The following RALGPS1 variants were observed in gnomAD, a reference collection of about 807,000 sequenced individuals.
RALGPS1 encodes Ral GEF with PH domain and SH3 binding motif 1, also known as ras-specific guanine nucleotide-releasing factor RalGPS1.
In RALGPS1, 19 loss-of-function variants were observed where a neutral mutation model predicts 78.8. That is an observed-to-expected ratio of 0.24 (90% CI 0.17 to 0.35). RALGPS1 has a LOEUF of 0.35. Among genes scored for constraint, RALGPS1 ranks in the 10% least tolerant of loss-of-function variants. RALGPS1 has a pLI of 1.00. For missense variants in RALGPS1, 454 were observed against 688.3 expected (o/e 0.66, Z 3.81); for synonymous variants, 228 against 256.3 (o/e 0.89, Z 1.06).
rs535245052 is a variant in RALGPS1 at position 127,211,935 on chromosome 9, G to T, written c.1248-196G>T. On this transcript the variant is annotated intron_variant, in intron 14 of 18. Transcript: ENST00000259351. This position sits in a 1 kb window ranked among gnomAD's most constrained non-coding sequence, Gnocchi z 5.0. The stretch of plus-strand genomic sequence containing the variant: ...GAGCTTTGCAGCCCCAGAGACAGGT[G>T]TGGGAGTCCTTGGCGGTGGGCCCTT... Among the ~76,000 whole-genome samples, 1 of 152,330 alleles carries T rather than the reference G, an allele frequency of 6.6e-6. No homozygotes were observed. Among genetic ancestry groups the T allele is most frequent in the South Asian group, 2.1e-4 (1 of 4,830 alleles).
At chr9:127,092,809 A>T (rs1467587781) in intron 8 of RALGPS1, among the ~76,000 whole-genome samples, 1 of 152,058 alleles carries the variant, frequency 6.6e-6, no homozygotes, top group Non-Finnish European at 1.5e-5. Flanking sequence ...AGGAGAAAAA[A>T]GCAGAGACAC....
At chr9:127,125,354 T>A (rs1323802509) in intron 8 of RALGPS1, among the ~76,000 whole-genome samples, 4 of 152,190 alleles carry the variant, frequency 2.6e-5, no homozygotes, top group Non-Finnish European at 5.9e-5. Context: ...AACGAACTGC[T>A]GGCTGGAGGA....
intron 4 of RALGPS1, chr9:126,978,020 A>G: frequency 3.3e-6 from 1 of 301,542 alleles, no homozygotes; most frequent in Non-Finnish European, 6.1e-6. Context: ...TAACACCCTC[A>G]TTCCTTTTCC....
rs1405728186 is a variant in RALGPS1 at position 127,054,696 on chromosome 9, G to C, written c.483+1757G>C. 5.3e-5 allele frequency among the ~76,000 whole-genome samples: 8 copies of C among 152,240 alleles called. No individual in the cohort carries two copies. The East Asian group carries it at 1.5e-3, about 29-fold the overall frequency. ...TTGCTGTAATGAAAATAAACCTCCAGGCCAGGTGCAGTGACTCACTCCTGT... is the reference window on the plus strand; with the variant it reads ...TTGCTGTAATGAAAATAAACCTCCACGCCAGGTGCAGTGACTCACTCCTGT... On this transcript the variant is annotated intron_variant, in intron 7 of 18. Transcript: ENST00000259351.
intron 14 of RALGPS1, chr9:127,210,631 G>C: frequency 7.8e-7 from 1 of 1,275,740 alleles, no homozygotes; most frequent in Non-Finnish European, 1.1e-6. Context: ...GGGTGCTCTT[G>C]CCTCCTTCAG....
intron 14 of RALGPS1, among the ~76,000 whole-genome samples, chr9:127,204,537 T>G (rs1270193595): frequency 1.3e-5 from 2 of 151,932 alleles, no homozygotes; most frequent in Non-Finnish European, 2.9e-5. Flanking sequence ...AGTTCAGTCA[T>G]CATGGGAGGG....
At chr9:127,174,328 GAA>G (rs1290713049) in intron 10 of RALGPS1, among the ~76,000 whole-genome samples, 3 of 151,956 alleles carry the variant, frequency 2.0e-5, no homozygotes, top group Non-Finnish European at 4.4e-5. Context: ...AAAAAGAAAA[GAA>G]AGAAAAAACT....
intron 11 of RALGPS1, among the ~76,000 whole-genome samples, chr9:127,175,677 CTTT>C (rs11354346): frequency 1.5e-4 from 16 of 109,000 alleles, no homozygotes; most frequent in African/African-American, 2.9e-4. Flanking sequence ...TTTGGGCCTC[CTTT>C]TTTTTTTTTT....
chr9:126,917,759 G>A (rs1321700479), intron 1 of RALGPS1, among the ~76,000 whole-genome samples: 3 of 152,200 alleles, frequency 2.0e-5, no homozygotes, highest in Admixed American at 6.5e-5. Flanking sequence ...TAACATGCAA[G>A]GAGAGCAGGA....
chr9:126,988,941 G>C (rs1342414709), intron 4 of RALGPS1, among the ~76,000 whole-genome samples: 1 of 152,112 alleles, frequency 6.6e-6, no homozygotes, highest in Admixed American at 6.5e-5. Context: ...TAGGGAGGGA[G>C]GCCAGAAGGG....
At chr9:127,110,904 C>T (rs1390319459) in intron 8 of RALGPS1, among the ~76,000 whole-genome samples, 1 of 152,196 alleles carries the variant, frequency 6.6e-6, no homozygotes, top group African/African-American at 2.4e-5. Context: ...CCTCCCTGCC[C>T]CAGCCTTGCC....
At chr9:127,018,293 T>C (rs1173530735) in intron 4 of RALGPS1, among the ~76,000 whole-genome samples, 2 of 135,998 alleles carry the variant, frequency 1.5e-5, no homozygotes, top group African/African-American at 5.7e-5. Context: ...TGCCTGAGGC[T>C]ATTTTATAGT....
chr9:127,162,165 C>G (rs565890539), intron 8 of RALGPS1, among the ~76,000 whole-genome samples: 1 of 152,332 alleles, frequency 6.6e-6, no homozygotes, highest in African/African-American at 2.4e-5. Context: ...CCAAGCAGCT[C>G]CTGTGTGCTC....
chr9:126,974,510 C>G, intron 3 of RALGPS1, among the ~76,000 whole-genome samples: 1 of 151,832 alleles, frequency 6.6e-6, no homozygotes, highest in East Asian at 1.9e-4. Flanking sequence ...AGGAGAAATA[C>G]TACATTTAAC....
intron 4 of RALGPS1, among the ~76,000 whole-genome samples, chr9:127,019,778 G>A (rs945050738): frequency 2.0e-5 from 3 of 152,078 alleles, no homozygotes; most frequent in Non-Finnish European, 2.9e-5. Flanking sequence ...TGTGCAGGGC[G>A]TGCAGGTTTG....
At chr9:127,088,576 A>G in intron 8 of RALGPS1, 1 of 276,824 alleles carries the variant, frequency 3.6e-6, no homozygotes, top group African/African-American at 2.2e-5. Flanking sequence ...ATCTAAATGC[A>G]TATATATGTG....
intron 8 of RALGPS1, among the ~76,000 whole-genome samples, chr9:127,101,688 TG>T (rs2053745813): frequency 6.6e-6 from 1 of 152,198 alleles, no homozygotes; most frequent in Non-Finnish European, 1.5e-5. Flanking sequence ...CTGGACAGTT[TG>T]TAGTGGTCTC....
At chr9:126,965,729 C>A (rs932917805) in intron 2 of RALGPS1, 115 bp from the exon 3 acceptor site, 3 of 734,754 alleles carry the variant, frequency 4.1e-6, no homozygotes, top group African/African-American at 3.5e-5. Flanking sequence ...CAATAGAAGC[C>A]ATTTTTTATT....
intron 11 of RALGPS1, among the ~76,000 whole-genome samples, chr9:127,177,672 C>T (rs2059959532): frequency 6.6e-6 from 1 of 152,204 alleles, no homozygotes; most frequent in Non-Finnish European, 1.5e-5. Flanking sequence ...AGACCTGGAG[C>T]CAGGCTTAGA....
Sources: gnomAD v4.1 joint callset for allele counts (sites outside exome capture counted in the v4.1 genomes callset) on GRCh38, gnomAD v4.1.1 for gene constraint, Gnocchi (gnomAD v3.1) non-coding constraint, MANE v1.5 for transcripts, NCBI Gene and HGNC (gene_info 2026-07-23, HGNC 2026-07-21) for gene names.